Variants in GPHN observed in about 807,000 individuals in gnomAD.
GPHN encodes gephyrin.
Under a neutral mutation model 95.5 loss-of-function variants are expected in GPHN, and 17 were observed. The observed-to-expected ratio is 0.18, with a 90% CI of 0.12 to 0.27. The LOEUF (loss-of-function observed/expected upper bound fraction) is 0.27, where lower values mean the gene tolerates loss of function less well. Ranked by LOEUF, GPHN falls within the 10% of genes least tolerant of loss-of-function variation. The probability of loss-of-function intolerance (pLI) is 1.00; values close to 1 mark genes in which losing one functional copy is unlikely to be tolerated. For synonymous variants in GPHN, 320 were observed against 322.5 expected (o/e 0.99, Z 0.08); for missense variants, 660 against 978.1 (o/e 0.67, Z 4.34).
the GPHN span, among the ~76,000 whole-genome samples, chr14:67,259,888 A>AG: frequency 6.6e-6 from 1 of 151,932 alleles, no homozygotes; most frequent in Non-Finnish European, 1.5e-5. Flanking sequence ...AAGAAAAAAA[A>AG]AAAAAAAAAG....
At chr14:66,996,625 T>C (rs2071817102) in intron 9 of GPHN, among the ~76,000 whole-genome samples, 2 of 152,178 alleles carry the variant, frequency 1.3e-5, no homozygotes, top group African/African-American at 4.8e-5. Flanking sequence ...ATTCAATTAG[T>C]GATTGTTGTG....
the GPHN span, among the ~76,000 whole-genome samples, chr14:67,694,451 T>C: frequency 0.13 from 18,488 of 143,726 alleles, 1,205 homozygotes; most frequent in East Asian, 0.16. Flanking sequence ...TATATATATA[T>C]ACACACACAC....
At chr14:67,212,077 A>G in the GPHN span, among the ~76,000 whole-genome samples, 1 of 152,142 alleles carries the variant, frequency 6.6e-6, no homozygotes, top group Non-Finnish European at 1.5e-5. Context: ...AATGCATGCT[A>G]AAGTCAAATA....
chr14:67,571,999 C>T, the GPHN span: 1 of 1,492,686 alleles, frequency 6.7e-7, no homozygotes, highest in Non-Finnish European at 9.1e-7. Context: ...TTGATCTGAG[C>T]TCGTGACCCC....
intron 1 of GPHN, among the ~76,000 whole-genome samples, chr14:66,610,457 G>T (rs1236073531): frequency 6.6e-6 from 1 of 151,930 alleles, no homozygotes; most frequent in Non-Finnish European, 1.5e-5. Context: ...CCTCTCTGAA[G>T]ATTTGTTCAA....
chr14:67,555,883 C>T, the GPHN span: 1 of 1,613,400 alleles, frequency 6.2e-7, no homozygotes, highest in African/African-American at 1.3e-5. Context: ...AACGCTGAGA[C>T]CCAGGTAACC....
chr14:67,310,292 C>T, the GPHN span, among the ~76,000 whole-genome samples: 2 of 152,020 alleles, frequency 1.3e-5, no homozygotes, highest in African/African-American at 4.8e-5. Context: ...CTTTAGGGCA[C>T]TTTGCATTTA....
At chr14:66,812,026 T>G (rs997406242) in intron 3 of GPHN, among the ~76,000 whole-genome samples, 1 of 152,226 alleles carries the variant, frequency 6.6e-6, no homozygotes, top group Non-Finnish European at 1.5e-5. Flanking sequence ...CAATCTGGCC[T>G]AACTGGCAGC....
intron 5 of GPHN, among the ~76,000 whole-genome samples, chr14:66,893,199 C>T (rs1258751746): frequency 1.3e-5 from 2 of 152,166 alleles, no homozygotes; most frequent in African/African-American, 4.8e-5. Flanking sequence ...AAAATAGGAA[C>T]TCTGGGCAAT....
intron 2 of GPHN, among the ~76,000 whole-genome samples, chr14:66,727,494 T>G (rs1300939443): frequency 1.3e-5 from 2 of 152,148 alleles, no homozygotes; most frequent in Admixed American, 1.3e-4. Context: ...TTGAGTGGCT[T>G]TCACCAAAAT....
intron 1 of GPHN, among the ~76,000 whole-genome samples, chr14:66,597,888 A>G (rs2140786513): frequency 6.6e-6 from 1 of 152,356 alleles, no homozygotes; most frequent in Middle Eastern, 3.4e-3. Context: ...CTAAGTGTCC[A>G]TTAATGGGTG....
chr14:67,618,288 G>A, the GPHN span, among the ~76,000 whole-genome samples: 1,291 of 152,216 alleles, frequency 8.5e-3, 9 homozygotes, highest in Middle Eastern at 0.037. Context: ...CTGTAAATTC[G>A]CGAGTGGGGC....
intron 1 of GPHN, among the ~76,000 whole-genome samples, chr14:66,584,394 G>T (rs1025841120): frequency 3.3e-5 from 5 of 152,108 alleles, no homozygotes; most frequent in Non-Finnish European, 7.4e-5. Context: ...TCTCCTGCCT[G>T]ATTGTTCTGG....
intron 8 of GPHN, among the ~76,000 whole-genome samples, chr14:66,945,497 T>A (rs1388661438): frequency 6.6e-6 from 1 of 151,984 alleles, no homozygotes; most frequent in Non-Finnish European, 1.5e-5. Context: ...GGGGGTTGAG[T>A]GATAAAAGAC....
At chr14:66,606,801 A>G (rs761562740) in intron 1 of GPHN, among the ~76,000 whole-genome samples, 2 of 152,224 alleles carry the variant, frequency 1.3e-5, no homozygotes, top group South Asian at 2.1e-4. Context: ...ATTTTTGTAC[A>G]TTGATTTTGT....
rs111531123 is a variant in GPHN at position 66,757,419 on chromosome 14, T to C, written c.144-19045T>C. 3.1e-3 allele frequency among the ~76,000 whole-genome samples: 471 copies of C among 152,234 alleles called. 10 individuals carry two copies. The highest frequency in any genetic ancestry group is 0.011 in the African/African-American group (445 of 41,516). The stretch of plus-strand genomic sequence containing the variant: ...TTTATTGATTGATTGAGACCAATTC[T>C]CACTCTGTCACCCAGGCTGGAGTGC... On this transcript the variant is annotated intron_variant, in intron 2 of 22. Transcript: ENST00000478722.
At chr14:66,943,420 G>C (rs766451113) in intron 8 of GPHN, among the ~76,000 whole-genome samples, 1 of 152,114 alleles carries the variant, frequency 6.6e-6, no homozygotes, top group Non-Finnish European at 1.5e-5. Context: ...TTAAAGATGC[G>C]GTTAGTACTA....
At chr14:66,856,881 T>G (rs1350516754) in intron 4 of GPHN, among the ~76,000 whole-genome samples, 1 of 152,100 alleles carries the variant, frequency 6.6e-6, no homozygotes, top group African/African-American at 2.4e-5. Context: ...TCTTGATGTA[T>G]GCCAAAAAGA....
intron 2 of GPHN, among the ~76,000 whole-genome samples, chr14:66,758,699 C>T (rs2058657976): frequency 1.3e-5 from 2 of 152,152 alleles, no homozygotes; most frequent in African/African-American, 4.8e-5. Context: ...CTTTGGTTAG[C>T]TCCCTTGGCC....
Sources: gnomAD v4.1 joint callset for allele counts (sites outside exome capture counted in the v4.1 genomes callset) on GRCh38, gnomAD v4.1.1 for gene constraint, MANE v1.5 for transcripts, NCBI Gene and HGNC (gene_info 2026-07-23, HGNC 2026-07-21) for gene names.